The following FANCA variants were observed in gnomAD, a reference collection of about 807,000 sequenced individuals.
FANCA encodes the protein FA complementation group A, also known as Fanconi anemia group A protein.
Under a neutral mutation model 194.3 loss-of-function variants are expected in FANCA, and 236 were observed. The observed-to-expected ratio is 1.21, with a 90% CI of 1.09 to 1.35. The LOEUF (loss-of-function observed/expected upper bound fraction) is 1.35. Ranked by LOEUF, FANCA falls within the 40% of genes most tolerant of loss-of-function variation. FANCA has a pLI of 0.00. For missense variants in FANCA, 2,628 were observed against 1,813.9 expected (o/e 1.45, Z -8.15); for synonymous variants, 1,014 against 715.8 (o/e 1.42, Z -6.65).
chr16:89,737,890 G>A lies in FANCA; in HGVS notation c.*711C>T. 1.2e-6 allele frequency: 2 copies of A among 1,612,358 alleles called. No homozygotes were observed. The highest frequency in any genetic ancestry group is 1.7e-6 in the Non-Finnish European group (2 of 1,179,792). On this transcript the variant is annotated 3_prime_UTR_variant, in exon 43 of 43. Coordinates refer to ENST00000389301, the MANE Select transcript of FANCA (RefSeq NM_000135.4). ...CTCGTCCACCAAATGCGACATTCGGGAGCCAAGCCTTTGCAGTAAGTGTGA... is the reference window on the plus strand; with the variant it reads ...CTCGTCCACCAAATGCGACATTCGGAAGCCAAGCCTTTGCAGTAAGTGTGA...
At chr16:89,805,222 CATT>C in intron 7 of FANCA, 55 bp downstream of exon 7, 1 of 1,320,224 alleles carries the variant, frequency 7.6e-7, no homozygotes, top group Non-Finnish European at 1.1e-6. Context: ...GAGCAGAAGG[CATT>C]ATCACAGATC....
rs1183256870 is a variant in FANCA at position 89,740,838 on chromosome 16, AAGG to A, written c.3791_3793del (p.Ser1264del). ...CAGATGTGACGACAGCAGGCCCATCAAGGAGAAGAAGAAAAGGAAAACCAATAG... is the reference window on the plus strand; with the variant it reads ...CAGATGTGACGACAGCAGGCCCATCAAGAAGAAGAAAAGGAAAACCAATAG... On this transcript the variant is annotated inframe_deletion, in exon 38 of 43. Coordinates refer to ENST00000389301, the MANE Select transcript of FANCA (RefSeq NM_000135.4). 8 of 1,613,560 alleles carry A rather than the reference AAGG, an allele frequency of 5.0e-6. No individual in the cohort carries two copies. The highest frequency in any genetic ancestry group is 2.7e-5 in the African/African-American group (2 of 74,884).
intron 30 of FANCA, 81 bp downstream of exon 30, chr16:89,758,496 G>A (rs754876212): frequency 6.4e-7 from 1 of 1,551,356 alleles, no homozygotes; most frequent in Non-Finnish European, 8.9e-7. Context: ...ATGGGCACCA[G>A]CATGGCCAGA....
At chr16:89,773,841 C>T (rs1404326164) in intron 21 of FANCA, among the ~76,000 whole-genome samples, 1 of 150,070 alleles carries the variant, frequency 6.7e-6, no homozygotes, top group Non-Finnish European at 1.5e-5. Context: ...GGTGCGATCT[C>T]GGCTCACTGT....
Position 89,815,990 on chromosome 16 carries a change from C to A in FANCA, c.80-4G>T, listed in dbSNP as rs747881254. On this transcript the variant is annotated splice_region_variant and splice_polypyrimidine_tract_variant and intron_variant, in intron 1 of 42. Coordinates refer to ENST00000389301, the MANE Select transcript of FANCA (RefSeq NM_000135.4). ...TTTTCCCTCTTGACCCTTCCCGCTA[C>A]GGAGAGAAGTCGGTTCGAAACCATC... 3.1e-6 allele frequency: 5 copies of A among 1,609,246 alleles called. No individual in the cohort carries two copies. Among genetic ancestry groups the A allele is most frequent in the Non-Finnish European group, 3.4e-6 (4 of 1,175,784 alleles).
intron 2 of FANCA, among the ~76,000 whole-genome samples, chr16:89,814,920 T>C (rs937530954): frequency 6.6e-6 from 1 of 152,030 alleles, no homozygotes; most frequent in Non-Finnish European, 1.5e-5. Context: ...CAGCCCAGGC[T>C]ACAGTGTGAG....
intron 11 of FANCA, among the ~76,000 whole-genome samples, chr16:89,793,071 G>A (rs534148471): frequency 3.3e-5 from 5 of 152,312 alleles, no homozygotes; most frequent in South Asian, 2.1e-4. Flanking sequence ...ACAGGGAGAC[G>A]GTTAGGCCTC....
At chr16:89,782,269 TGA>T (rs2039743248) in intron 17 of FANCA, among the ~76,000 whole-genome samples, 1 of 151,884 alleles carries the variant, frequency 6.6e-6, no homozygotes, top group African/African-American at 2.4e-5. Flanking sequence ...CCCAGCACTT[TGA>T]GAGGCCAAGG....
chr16:89,791,223 G>A lies in FANCA; in HGVS notation c.1359+180C>T, dbSNP rs139736580. The A allele has an allele frequency of 1.7e-4, 135 of 800,748 alleles. 1 individual carries two copies. Among genetic ancestry groups the A allele is most frequent in the African/African-American group, 9.2e-4 (54 of 58,624 alleles). 49.6% of individuals were successfully genotyped at this position (800,748 alleles called of 1,614,324 possible). A position where few individuals can be genotyped will look rare whatever the true frequency, so the allele number is the denominator to read the frequency against. On this transcript the variant is annotated intron_variant, in intron 14 of 42. Coordinates refer to ENST00000389301, the MANE Select transcript of FANCA (RefSeq NM_000135.4). ...GCAGAGGAAGATCCGCTGAGGCCCC[G>A]ACAGGGAGAACCCAGGCTCCTCGGC... is the stretch of plus-strand genomic sequence containing the variant.
intron 40 of FANCA, 83 bp from the exon 41 acceptor site, chr16:89,739,372 G>A: frequency 6.3e-7 from 1 of 1,590,690 alleles, no homozygotes; most frequent in Non-Finnish European, 8.6e-7. Flanking sequence ...CTCATCTGTG[G>A]AGCAGAGGCA....
rs180879450 is a variant in FANCA, at chr16:89,802,503, G to A, written c.792+756C>T. On this transcript the variant is annotated intron_variant, in intron 8 of 42. Transcript: ENST00000389301. ...TGCAAGCTCCGCCTCCAGGTTTCACGCCATTCTCCTGCCTCAGCCTCCTGA... is the reference window on the plus strand; with the variant it reads ...TGCAAGCTCCGCCTCCAGGTTTCACACCATTCTCCTGCCTCAGCCTCCTGA... Among the ~76,000 whole-genome samples the A allele has an allele frequency of 3.4e-3, 520 of 152,216 alleles. 2 individuals carry two copies. Among genetic ancestry groups the A allele is most frequent in the African/African-American group, 0.012 (492 of 41,538 alleles).
At chr16:89,801,919 G>C (rs1301846834) in intron 8 of FANCA, among the ~76,000 whole-genome samples, 1 of 151,824 alleles carries the variant, frequency 6.6e-6, no homozygotes, top group African/African-American at 2.4e-5. Flanking sequence ...AAAAAAACCA[G>C]AACTGCCATA....
chr16:89,773,179 C>T, intron 22 of FANCA, 92 bp downstream of exon 22: 1 of 991,366 alleles, frequency 1.0e-6, no homozygotes, highest in Non-Finnish European at 1.5e-6. Flanking sequence ...ACACACCAGC[C>T]TGATGTCACT....
intron 7 of FANCA, 49 bp from the exon 8 acceptor site, chr16:89,803,390 G>T (rs1438682580): frequency 1.3e-6 from 2 of 1,540,064 alleles, no homozygotes; most frequent in Non-Finnish European, 1.8e-6. Flanking sequence ...TGGTCTCCAA[G>T]CAACTGTGAA....
chr16:89,811,100 C>A (rs773140671), intron 3 of FANCA, 29 bp from the exon 4 acceptor site: 1 of 1,613,464 alleles, frequency 6.2e-7, no homozygotes, highest in Admixed American at 1.7e-5. Context: ...CCATAGCTTT[C>A]TCTTAACACA....
chr16:89,743,160 A>C (rs1378220154), intron 36 of FANCA, among the ~76,000 whole-genome samples: 2 of 152,158 alleles, frequency 1.3e-5, no homozygotes, highest in Non-Finnish European at 2.9e-5. Flanking sequence ...GCGTTCTGAG[A>C]GCTGCTGACT....
rs750161523 is a variant in FANCA, at chr16:89,738,993, A to C, written c.4168-19T>G. 7 of 1,614,004 alleles carry C rather than the reference A, an allele frequency of 4.3e-6. No individual in the cohort carries two copies. The highest frequency in any genetic ancestry group is 4.2e-6 in the Non-Finnish European group (5 of 1,180,024). ...GGTTGCCCTAGAGAGAAAACAGGCA[A>C]ACTCACAGGTTAGAAGACATACAGA... is the stretch of plus-strand genomic sequence containing the variant. On this transcript the variant is annotated intron_variant, in intron 41 of 42. Transcript: ENST00000389301.
At chr16:89,812,106 C>G (rs536830870) in intron 3 of FANCA, among the ~76,000 whole-genome samples, 1 of 149,992 alleles carries the variant, frequency 6.7e-6, no homozygotes, top group Non-Finnish European at 1.5e-5. Flanking sequence ...GAGGCCGAGG[C>G]GGGCGGATTA....
In FANCA at chr16:89,813,806, C is replaced by CTGTGTGTGTGTGTG. The variant is rs71137678; in HGVS notation, c.283+700_283+713dup. 6.4e-3 allele frequency among the ~76,000 whole-genome samples: 963 copies of CTGTGTGTGTGTGTG among 149,524 alleles called. 9 individuals carry two copies. Among genetic ancestry groups the CTGTGTGTGTGTGTG allele is most frequent in the African/African-American group, 0.023 (922 of 40,706 alleles). ...AGTTTTTTTATCTACAAGTCTTTTA[C>CTGTGTGTGTGTGTG]TGTGTGTGTGTGTGTGTGTGTGTGT... On this transcript the variant is annotated intron_variant, in intron 3 of 42. Coordinates refer to ENST00000389301, the MANE Select transcript of FANCA (RefSeq NM_000135.4).
Sources: gnomAD v4.1 joint callset for allele counts (sites outside exome capture counted in the v4.1 genomes callset) on GRCh38, gnomAD v4.1.1 for gene constraint, MANE v1.5 for transcripts, NCBI Gene and HGNC (gene_info 2026-07-23, HGNC 2026-07-21) for gene names.